The following PGM5 variants were observed in gnomAD, a reference collection of about 807,000 sequenced individuals.
PGM5 encodes the protein phosphoglucomutase-like protein 5.
Under a neutral mutation model 59.2 loss-of-function variants are expected in PGM5, and 23 were observed. The ratio of observed to expected loss-of-function variants is 0.39; its 90% CI spans 0.28 to 0.55. The LOEUF (loss-of-function observed/expected upper bound fraction) is 0.55, where lower values mean the gene tolerates loss of function less well. Ranked by LOEUF, PGM5 falls within the 20% of genes least tolerant of loss-of-function variation. The probability of loss-of-function intolerance (pLI) is 0.66; values close to 1 mark genes in which losing one functional copy is unlikely to be tolerated. For synonymous variants in PGM5, 214 were observed against 286.0 expected (o/e 0.75, Z 2.54); for missense variants, 574 against 748.3 (o/e 0.77, Z 2.72).
intron 6 of PGM5, among the ~76,000 whole-genome samples, chr9:68,433,259 C>T (rs1823384458): frequency 6.6e-6 from 1 of 152,228 alleles, no homozygotes; most frequent in South Asian, 2.1e-4. Context: ...GGGCAAGCTG[C>T]TTCTTCACAT....
At chr9:68,457,618 C>T (rs549750423) in intron 6 of PGM5, among the ~76,000 whole-genome samples, 2 of 152,216 alleles carry the variant, frequency 1.3e-5, no homozygotes, top group Admixed American at 1.3e-4. Context: ...ATAATACTAT[C>T]TAAGAAAACA....
intron 6 of PGM5, among the ~76,000 whole-genome samples, chr9:68,460,521 T>G (rs1554685316): frequency 1.3e-5 from 2 of 152,170 alleles, no homozygotes; most frequent in African/African-American, 4.8e-5. Context: ...AGAACTGTCT[T>G]TCTAAGATAT....
At chr9:68,457,711 CCT>C (rs1823800485) in intron 6 of PGM5, among the ~76,000 whole-genome samples, 1 of 152,228 alleles carries the variant, frequency 6.6e-6, no homozygotes, top group South Asian at 2.1e-4. Flanking sequence ...TGCTTTATCT[CCT>C]GGGTTGGAGC....
chr9:68,436,312 G>A (rs1366178403), intron 6 of PGM5, among the ~76,000 whole-genome samples: 1 of 152,170 alleles, frequency 6.6e-6, no homozygotes, highest in East Asian at 1.9e-4. Context: ...CTAGTAATTT[G>A]AATATATAAG....
Position 68,362,343 on chromosome 9 carries a change from G to T in PGM5, c.261+4955G>T, listed in dbSNP as rs572336776. Among the ~76,000 whole-genome samples, 1,315 of 152,284 alleles carry T rather than the reference G, an allele frequency of 8.6e-3. 18 individuals carry two copies. The highest frequency in any genetic ancestry group is 0.03 in the African/African-American group (1,265 of 41,538). ...CTTTTGCTTTTTTGAATATCACTGT[G>T]GATGCTTGGATTTTTATATTTAATT... On this transcript the variant is annotated intron_variant, in intron 1 of 10. Transcript: ENST00000396396.
At position 68,455,505 on chromosome 9, in the gene PGM5, TA is replaced by T. The variant is rs36071391; in HGVS notation, c.1044-9573del. 8.4e-3 allele frequency among the ~76,000 whole-genome samples: 1,183 copies of T among 140,220 alleles called. 5 individuals are homozygous for T. The highest frequency in any genetic ancestry group is 0.018 in the African/African-American group (694 of 38,662). The allele number at this position is 140,220 out of a possible 152,430, so 92.0% of individuals were successfully genotyped here. A position where few individuals can be genotyped will look rare whatever the true frequency, so the allele number is the denominator to read the frequency against. On this transcript the variant is annotated intron_variant, in intron 6 of 10. Coordinates refer to ENST00000396396, the MANE Select transcript of PGM5 (RefSeq NM_021965.4). ...CAAAGTATAAGCATCATCTCTTAGT[TA>T]AAAAAAAAAAAAAACAGGAAAGGTT...
intron 10 of PGM5, among the ~76,000 whole-genome samples, chr9:68,526,156 T>G (rs59282446): frequency 0.075 from 11,472 of 152,288 alleles, 1,457 homozygotes; most frequent in African/African-American, 0.26. Context: ...TAGGGACTTC[T>G]TCCCAGGCCT....
In PGM5 at chr9:68,356,864, G is replaced by T; in HGVS notation, c.-264G>T. 2.5e-6 allele frequency: 1 copy of T among 395,146 alleles called. No individual in the cohort carries two copies. The highest frequency in any genetic ancestry group is 4.4e-6 in the Non-Finnish European group (1 of 224,728). 24.5% of individuals were successfully genotyped at this position (395,146 alleles called of 1,614,324 possible). ...AAACTGAGGGCAGCTCGGGCGGTCT[G>T]GCAGCGGAGAAGGTGGGTGGGAGAA... is the stretch of plus-strand genomic sequence containing the variant. On this transcript the variant is annotated 5_prime_UTR_variant, in exon 1 of 11. Transcript: ENST00000396396.
In PGM5 at chr9:68,465,229, A is replaced by G. The variant is rs781923215; in HGVS notation, c.1159+21A>G. On this transcript the variant is annotated intron_variant, in intron 7 of 10. Transcript: ENST00000396396. Reference sequence around the variant, plus strand: ...CACTGGTAGGCTTTGTTGGGTTGATATTACTGGGGAGGGCGGCTGCAGCCT... The same window carrying G: ...CACTGGTAGGCTTTGTTGGGTTGATGTTACTGGGGAGGGCGGCTGCAGCCT... The G allele has an allele frequency of 4.1e-6, 6 of 1,463,928 alleles. No individual in the cohort carries two copies. The Admixed American group carries it at 5.1e-5, about 12-fold the overall frequency. 90.7% of individuals were successfully genotyped at this position (1,463,928 alleles called of 1,614,324 possible). A position where few individuals can be genotyped will look rare whatever the true frequency, so the allele number is the denominator to read the frequency against.
intron 9 of PGM5, among the ~76,000 whole-genome samples, chr9:68,491,828 C>T (rs1209969106): frequency 2.0e-5 from 3 of 152,064 alleles, no homozygotes; most frequent in Non-Finnish European, 2.9e-5. Context: ...ACAGCGAGAC[C>T]TCATCTCAAA....
intron 6 of PGM5, chr9:68,396,914 C>A (rs1171961132): frequency 6.6e-6 from 1 of 152,258 alleles, no homozygotes; most frequent in African/African-American, 2.4e-5. Context: ...CTTGCCTAAA[C>A]TCCTGGGATT....
chr9:68,433,428 G>A (rs1445634771), intron 6 of PGM5, among the ~76,000 whole-genome samples: 8 of 152,222 alleles, frequency 5.3e-5, no homozygotes, highest in Non-Finnish European at 8.8e-5. Flanking sequence ...GTTGAGAGCG[G>A]AGCTAATTTT....
chr9:68,481,435 G>A (rs1310678452), intron 8 of PGM5, among the ~76,000 whole-genome samples: 4 of 152,310 alleles, frequency 2.6e-5, no homozygotes, highest in African/African-American at 9.6e-5. Context: ...CCTGATTCAT[G>A]TGTGTTTTCT....
At position 68,415,940 on chromosome 9, in the gene PGM5, GT is replaced by G. The variant is rs1256044584; in HGVS notation, c.1043+23471del. Among the ~76,000 whole-genome samples, 2 of 151,394 alleles carry G rather than the reference GT, an allele frequency of 1.3e-5. 1 individual carries two copies. Among genetic ancestry groups the G allele is most frequent in the Non-Finnish European group, 2.9e-5 (2 of 67,880 alleles). ...CATCCTCTTTCAGAATAGAAATTAT[GT>G]TTTCTGGGAGCTAGAAACTATTGTG... On this transcript the variant is annotated intron_variant, in intron 6 of 10. Transcript: ENST00000396396.
At position 68,376,813 on chromosome 9, in the gene PGM5, CTT is replaced by C. The variant is rs1208053338; in HGVS notation, c.262-1384_262-1383del. On this transcript the variant is annotated intron_variant, in intron 1 of 10. Transcript: ENST00000396396. ...TCTTTCTTTCTTTCTTTCTTTCTTT[CTT>C]TCTTTCTTTCTTTCTTTCTCTTTCT... Among the ~76,000 whole-genome samples, 624 of 107,752 alleles carry C rather than the reference CTT, an allele frequency of 5.8e-3. 8 individuals are homozygous for C. The highest frequency in any genetic ancestry group is 0.014 in the African/African-American group (357 of 24,804). The allele number at this position is 107,752 out of a possible 152,430, so 70.7% of individuals were successfully genotyped here.
chr9:68,446,686 G>A (rs1823616781), intron 6 of PGM5, among the ~76,000 whole-genome samples: 1 of 152,194 alleles, frequency 6.6e-6, no homozygotes, highest in South Asian at 2.1e-4. Flanking sequence ...CTCTAATACT[G>A]GGGTGGAGAA....
chr9:68,369,125 T>C (rs2770886), intron 1 of PGM5, among the ~76,000 whole-genome samples: 1 of 152,184 alleles, frequency 6.6e-6, no homozygotes, highest in East Asian at 1.9e-4. Flanking sequence ...CATGGAAAGA[T>C]TGACTCAAGG....
Position 68,356,969 on chromosome 9 carries a change from C to G in PGM5, c.-159C>G, listed in dbSNP as rs189205417. The G allele has an allele frequency of 0.044, 28,504 of 648,842 alleles. 615 individuals carry two copies. The highest frequency in any genetic ancestry group is 0.061 in the African/African-American group (3,111 of 51,212). The allele number at this position is 648,842 out of a possible 1,614,324, so 40.2% of individuals were successfully genotyped here. A position where few individuals can be genotyped will look rare whatever the true frequency, so the allele number is the denominator to read the frequency against. On this transcript the variant is annotated 5_prime_UTR_variant, in exon 1 of 11. Transcript: ENST00000396396. ...CGCGGAGAGGAGGGGCGGGCGGTCCCCAGGCGGGCGGGTGCAGGGCGCAGG... is the reference window on the plus strand; with the variant it reads ...CGCGGAGAGGAGGGGCGGGCGGTCCGCAGGCGGGCGGGTGCAGGGCGCAGG...
At chr9:68,489,989 T>C (rs2132098075) in intron 9 of PGM5, among the ~76,000 whole-genome samples, 1 of 152,326 alleles carries the variant, frequency 6.6e-6, no homozygotes, top group Admixed American at 6.5e-5. Flanking sequence ...TTGAATTTAG[T>C]TCAGAGAAAA....
Sources: allele counts gnomAD v4.1 joint callset (sites outside exome capture counted in the v4.1 genomes callset), GRCh38; gene constraint gnomAD v4.1.1; transcripts MANE v1.5; gene names NCBI Gene and HGNC (gene_info 2026-07-23, HGNC 2026-07-21).